The following PDE4D variants were observed in gnomAD, a reference collection of about 807,000 sequenced individuals.
PDE4D encodes 3',5'-cyclic-AMP phosphodiesterase 4D.
PDE4D carries 24 observed loss-of-function variants against 87.4 expected under a neutral mutation model. The ratio of observed to expected loss-of-function variants is 0.27; its 90% CI spans 0.20 to 0.39. The LOEUF (loss-of-function observed/expected upper bound fraction) is 0.39, where lower values mean the gene tolerates loss of function less well. PDE4D is among the 10% of genes least tolerant of loss of function. PDE4D has a pLI of 1.00. For synonymous variants in PDE4D, 384 were observed against 383.2 expected, an observed-to-expected ratio of 1.00 and a Z score of -0.02; for missense variants, 714 against 1,041.0, an observed-to-expected ratio of 0.69 and a Z score of 4.32.
chr5:59,585,599 C>T (rs1257569241), intron 1 of PDE4D, among the ~76,000 whole-genome samples: 2 of 152,104 alleles, frequency 1.3e-5, no homozygotes, highest in Admixed American at 6.5e-5. Flanking sequence ...TGACCTTTTG[C>T]TCTTATAAAT....
At chr5:60,379,479 A>C (rs1441209344) in intron 1 of PDE4D, among the ~76,000 whole-genome samples, 1 of 152,232 alleles carries the variant, frequency 6.6e-6, no homozygotes, top group African/African-American at 2.4e-5. Context: ...AGTGCAAAGC[A>C]GCTCTGAGGA....
At chr5:60,100,316 G>A (rs1003834219) in intron 2 of PDE4D, among the ~76,000 whole-genome samples, 26 of 151,936 alleles carry the variant, frequency 1.7e-4, no homozygotes, top group Non-Finnish European at 5.9e-5. Flanking sequence ...GGGTGAAGGA[G>A]GAATAGATGG....
At chr5:59,237,011 GC>G (rs1238131253) in intron 1 of PDE4D, among the ~76,000 whole-genome samples, 1 of 152,026 alleles carries the variant, frequency 6.6e-6, no homozygotes, top group Non-Finnish European at 1.5e-5. Flanking sequence ...CTTGTCTCTA[GC>G]CCCTCCAAAG....
intron 1 of PDE4D, among the ~76,000 whole-genome samples, chr5:60,410,377 A>G (rs1480365274): frequency 6.6e-6 from 1 of 152,084 alleles, no homozygotes; most frequent in African/African-American, 2.4e-5. Flanking sequence ...TTGGAGAGAA[A>G]CCTGGAAAAT....
In PDE4D at chr5:60,332,718, C is replaced by T. The variant is rs180850525; in HGVS notation, c.-89-147031G>A. ...CAACAGAATTATTAATCACTCAATT[C>T]AGTGGCCATATGTAGCTATGGCTAT... On this transcript the variant is annotated intron_variant, in intron 1 of 16. Transcript: ENST00000502484. Among the ~76,000 whole-genome samples the T allele has an allele frequency of 4.4e-3, 667 of 152,232 alleles. 4 individuals carry two copies. Among genetic ancestry groups the T allele is most frequent in the African/African-American group, 0.016 (650 of 41,526 alleles).
intron 1 of PDE4D, among the ~76,000 whole-genome samples, chr5:59,421,121 C>A (rs77842447): frequency 1.3e-5 from 2 of 152,196 alleles, no homozygotes; most frequent in African/African-American, 4.8e-5. Context: ...ATTGTGAATT[C>A]TCATACAATC....
chr5:59,058,498 G>A (rs1348851631), intron 5 of PDE4D, among the ~76,000 whole-genome samples: 8 of 152,262 alleles, frequency 5.3e-5, no homozygotes, highest in African/African-American at 1.4e-4. Flanking sequence ...AACTTCCAAG[G>A]TCTATGCCTG....
intron 5 of PDE4D, among the ~76,000 whole-genome samples, chr5:59,180,070 T>C (rs1741117207): frequency 6.6e-6 from 1 of 152,214 alleles, no homozygotes. Context: ...ATTGAACTTT[T>C]TCTGCATTGT....
intron 1 of PDE4D, among the ~76,000 whole-genome samples, chr5:59,325,926 G>A (rs962308752): frequency 2.6e-5 from 4 of 151,932 alleles, no homozygotes; most frequent in Admixed American, 2.0e-4. Flanking sequence ...ACCATGGAAT[G>A]CTATGCAGCC....
At chr5:60,025,525 C>T (rs1766533695) in intron 2 of PDE4D, among the ~76,000 whole-genome samples, 1 of 152,030 alleles carries the variant, frequency 6.6e-6, no homozygotes, top group Non-Finnish European at 1.5e-5. Context: ...TGATTTTTCT[C>T]AGCATGTAAA....
At chr5:59,276,198 G>A (rs1487389434) in intron 1 of PDE4D, 1 of 931,544 alleles carries the variant, frequency 1.1e-6, no homozygotes, top group African/African-American at 1.8e-5. Context: ...ACAAAGCAAA[G>A]GGGCGGATCA....
intron 1 of PDE4D, among the ~76,000 whole-genome samples, chr5:60,415,843 G>A (rs1033845918): frequency 4.6e-5 from 7 of 152,368 alleles, no homozygotes; most frequent in East Asian, 3.9e-4. Context: ...CCTGCCGCCC[G>A]GTGCGGGACC....
chr5:59,159,456 T>G (rs1248307622), intron 5 of PDE4D, among the ~76,000 whole-genome samples: 1 of 152,082 alleles, frequency 6.6e-6, no homozygotes, highest in Non-Finnish European at 1.5e-5. Context: ...CATGTACAAT[T>G]ATATTGTGTC....
intron 5 of PDE4D, among the ~76,000 whole-genome samples, chr5:59,158,956 C>A (rs1007479895): frequency 2.6e-5 from 4 of 152,126 alleles, no homozygotes; most frequent in African/African-American, 7.2e-5. Context: ...TGGAAGCAAT[C>A]CTAAAGCTCT....
In PDE4D at chr5:59,715,018, C is replaced by T. The variant is rs147743169; in HGVS notation, c.455+178150G>A. Among the ~76,000 whole-genome samples, 268 of 152,320 alleles carry T rather than the reference C, an allele frequency of 1.8e-3. 1 individual carries two copies. Among genetic ancestry groups the T allele is most frequent in the African/African-American group, 5.8e-3 (241 of 41,588 alleles). On this transcript the variant is annotated intron_variant, in intron 1 of 14. Coordinates refer to ENST00000340635, the MANE Select transcript of PDE4D (RefSeq NM_001104631.2). Reference sequence around the variant, plus strand: ...GAGAACACCAGTAGGCTTTTGGTCCCAACTATGGAAAGAAGCTGAGCTCCA... The same window carrying T: ...GAGAACACCAGTAGGCTTTTGGTCCTAACTATGGAAAGAAGCTGAGCTCCA...
chr5:60,160,809 C>T, intron 2 of PDE4D: 1 of 453,850 alleles, frequency 2.2e-6, no homozygotes, highest in Non-Finnish European at 4.4e-6. Flanking sequence ...ACATCTCTTA[C>T]TTTTTGTCCT....
chr5:59,036,780 T>C (rs1758589732), intron 6 of PDE4D, among the ~76,000 whole-genome samples: 1 of 152,228 alleles, frequency 6.6e-6, no homozygotes, highest in Non-Finnish European at 1.5e-5. Context: ...AGTTTAATGT[T>C]AAAAATTAGT....
intron 1 of PDE4D, among the ~76,000 whole-genome samples, chr5:59,647,624 C>T (rs376415581): frequency 5.9e-5 from 9 of 151,962 alleles, no homozygotes; most frequent in African/African-American, 1.9e-4. Flanking sequence ...GCAGATAAGA[C>T]TGAAGAAGGA....
At chr5:60,269,494 G>T (rs747933384) in intron 1 of PDE4D, among the ~76,000 whole-genome samples, 1 of 152,152 alleles carries the variant, frequency 6.6e-6, no homozygotes, top group Non-Finnish European at 1.5e-5. Context: ...CACCTGTGTT[G>T]ATACTAATGT....
Sources: gnomAD v4.1 joint callset for allele counts (sites outside exome capture counted in the v4.1 genomes callset) on GRCh38, gnomAD v4.1.1 for gene constraint, MANE v1.5 for transcripts, NCBI Gene and HGNC (gene_info 2026-07-23, HGNC 2026-07-21) for gene names.